FHOD3: variants seen among roughly 807,000 people sequenced by gnomAD.
FHOD3 encodes the protein FH1/FH2 domain-containing protein 3.
FHOD3 carries 90 observed loss-of-function variants against 173.0 expected under a neutral mutation model. The observed-to-expected ratio is 0.52, with a 90% CI of 0.44 to 0.62. The LOEUF (loss-of-function observed/expected upper bound fraction) is 0.62, where lower values mean the gene tolerates loss of function less well. FHOD3 is among the 20% of genes least tolerant of loss of function. The pLI, the probability that FHOD3 is intolerant of heterozygous loss-of-function variation, is 0.00. For missense variants in FHOD3, 1,945 were observed against 2,034.7 expected (o/e 0.96, Z 0.85); for synonymous variants, 828 against 823.0 (o/e 1.01, Z -0.10).
At chr18:36,511,070 T>G (rs922583397) in intron 4 of FHOD3, among the ~76,000 whole-genome samples, 7 of 152,374 alleles carry the variant, frequency 4.6e-5, no homozygotes, top group African/African-American at 1.7e-4. Flanking sequence ...TTTTCTCTTT[T>G]GGAGATAAGC....
intron 5 of FHOD3, among the ~76,000 whole-genome samples, chr18:36,540,728 G>A (rs2057176223): frequency 6.6e-6 from 1 of 152,106 alleles, no homozygotes; most frequent in African/African-American, 2.4e-5. Context: ...CAAGGAAGAA[G>A]GTGGAAGTCC....
chr18:36,591,931 C>A (rs1010597086), intron 6 of FHOD3, among the ~76,000 whole-genome samples: 11 of 151,038 alleles, frequency 7.3e-5, no homozygotes. Flanking sequence ...TCAAATGAAA[C>A]AAGGTGGCTG....
intron 6 of FHOD3, among the ~76,000 whole-genome samples, chr18:36,590,411 T>G (rs1198498322): frequency 6.6e-6 from 1 of 152,190 alleles, no homozygotes; most frequent in South Asian, 2.1e-4. Flanking sequence ...ATGTACCTTT[T>G]TTACTTTCAA....
At chr18:36,384,447 T>C (rs915141373) in intron 3 of FHOD3, among the ~76,000 whole-genome samples, 11 of 151,788 alleles carry the variant, frequency 7.2e-5, no homozygotes, top group African/African-American at 2.4e-4. Context: ...GGTAGATGCC[T>C]ATAATCCCAG....
At chr18:36,505,527 C>T (rs1305594979) in intron 4 of FHOD3, among the ~76,000 whole-genome samples, 2 of 152,108 alleles carry the variant, frequency 1.3e-5, no homozygotes, top group Non-Finnish European at 2.9e-5. Context: ...TAATGGTATG[C>T]TGATCATTAA....
At position 36,537,876 on chromosome 18, in the gene FHOD3, A is replaced by G. The variant is rs370548943; in HGVS notation, c.511+25333A>G. On this transcript the variant is annotated intron_variant, in intron 5 of 28. Coordinates refer to ENST00000590592, the MANE Select transcript of FHOD3 (RefSeq NM_001281740.3). ...CCATCTACAGAACACTTCCCTCAGT[A>G]GCAGAGTCACACATTCTTTTAAAGG... 4.6e-5 allele frequency among the ~76,000 whole-genome samples: 7 copies of G among 152,342 alleles called. No individual in the cohort carries two copies. In the East Asian group the frequency reaches 1.2e-3, roughly 25 times the overall value.
At chr18:36,532,971 T>C (rs1478042961) in intron 5 of FHOD3, among the ~76,000 whole-genome samples, 1 of 152,184 alleles carries the variant, frequency 6.6e-6, no homozygotes, top group Non-Finnish European at 1.5e-5. Context: ...TGATGCCCCA[T>C]TGGGTGGCCT....
At chr18:36,306,579 A>G (rs1221002182) in intron 1 of FHOD3, among the ~76,000 whole-genome samples, 1 of 152,236 alleles carries the variant, frequency 6.6e-6, no homozygotes, top group Non-Finnish European at 1.5e-5. Flanking sequence ...GTCAGGTCAT[A>G]TCACTCCTCT....
chr18:36,620,659 T>C (rs1188495353), intron 9 of FHOD3, among the ~76,000 whole-genome samples: 2 of 152,214 alleles, frequency 1.3e-5, no homozygotes, highest in Non-Finnish European at 2.9e-5. Context: ...TTCATGATAG[T>C]GTCTACCAGG....
At chr18:36,620,009 C>T (rs1028317234) in intron 9 of FHOD3, among the ~76,000 whole-genome samples, 10 of 152,178 alleles carry the variant, frequency 6.6e-5, no homozygotes, top group African/African-American at 2.4e-4. Flanking sequence ...AGGGCCTTCT[C>T]CCCATTCCAA....
At position 36,339,386 on chromosome 18, in the gene FHOD3, C is replaced by T. The variant is rs73417051; in HGVS notation, c.166-16153C>T. On this transcript the variant is annotated intron_variant, in intron 1 of 28. Coordinates refer to ENST00000590592, the MANE Select transcript of FHOD3 (RefSeq NM_001281740.3). ...GTTGAGTGGTGGCCTGCCCTAGGAC[C>T]GACTCCATGGGTGTGTAACGAGTGT... Among the ~76,000 whole-genome samples, 879 of 152,318 alleles carry T rather than the reference C, an allele frequency of 5.8e-3. 8 individuals are homozygous for T. The highest frequency in any genetic ancestry group is 0.02 in the African/African-American group (826 of 41,558).
intron 6 of FHOD3, among the ~76,000 whole-genome samples, chr18:36,582,940 C>T (rs890455866): frequency 6.6e-6 from 1 of 152,170 alleles, no homozygotes; most frequent in African/African-American, 2.4e-5. Flanking sequence ...AAATTCAGGG[C>T]CTTGCATTTT....
rs146721864 is a variant in FHOD3, at chr18:36,348,457, C to T, written c.166-7082C>T. 3.2e-3 allele frequency among the ~76,000 whole-genome samples: 489 copies of T among 152,242 alleles called. 3 individuals carry two copies. Among genetic ancestry groups the T allele is most frequent in the Non-Finnish European group, 5.0e-3 (341 of 68,018 alleles). ...CCAAGAGTGGGGCTAGCTTTGTGGG[C>T]GTGTGACTGATGGAGTCAGAAGGGT... On this transcript the variant is annotated intron_variant, in intron 1 of 28. Coordinates refer to ENST00000590592, the MANE Select transcript of FHOD3 (RefSeq NM_001281740.3).
chr18:36,770,803 A>T (rs1433929576), intron 28 of FHOD3, among the ~76,000 whole-genome samples: 1 of 152,162 alleles, frequency 6.6e-6, no homozygotes, highest in Non-Finnish European at 1.5e-5. Flanking sequence ...ACCCACACAC[A>T]CTACTTCAGA....
chr18:36,301,424 T>G (rs2091954578), intron 1 of FHOD3, among the ~76,000 whole-genome samples: 1 of 152,242 alleles, frequency 6.6e-6, no homozygotes, highest in Non-Finnish European at 1.5e-5. Flanking sequence ...ACTGATACAT[T>G]ATTTTAAAAA....
At chr18:36,328,995 G>C (rs1302522650) in intron 1 of FHOD3, among the ~76,000 whole-genome samples, 1 of 152,232 alleles carries the variant, frequency 6.6e-6, no homozygotes, top group Admixed American at 6.5e-5. Flanking sequence ...GGCATAGATG[G>C]TCTTGGTCTT....
intron 1 of FHOD3, among the ~76,000 whole-genome samples, chr18:36,353,005 G>A (rs1036804764): frequency 1.3e-5 from 2 of 152,208 alleles, no homozygotes; most frequent in Non-Finnish European, 1.5e-5. Context: ...TGGCTCAGGA[G>A]ACACCTTCTG....
chr18:36,392,691 G>A (rs147297828), intron 3 of FHOD3, among the ~76,000 whole-genome samples: 231 of 152,324 alleles, frequency 1.5e-3, no homozygotes, highest in Non-Finnish European at 2.5e-3. Context: ...CTTCCGCTTC[G>A]TCTGATCTTG....
intron 5 of FHOD3, among the ~76,000 whole-genome samples, chr18:36,566,026 C>T (rs1389931718): frequency 6.6e-6 from 1 of 152,170 alleles, no homozygotes; most frequent in African/African-American, 2.4e-5. Flanking sequence ...TATCTCTGTG[C>T]CCATTTACAG....
Sources: gnomAD v4.1 joint callset for allele counts (sites outside exome capture counted in the v4.1 genomes callset) on GRCh38, gnomAD v4.1.1 for gene constraint, MANE v1.5 for transcripts, NCBI Gene and HGNC (gene_info 2026-07-23, HGNC 2026-07-21) for gene names.